The following NT5C2 variants were observed in gnomAD, a reference collection of about 807,000 sequenced individuals.
The protein encoded by NT5C2 is cytosolic purine 5'-nucleotidase.
A neutral mutation model predicts 76.1 loss-of-function variants in NT5C2; 58 were observed. The ratio of observed to expected loss-of-function variants is 0.76; its 90% CI spans 0.62 to 0.95. The LOEUF is 0.95. Among genes scored for constraint, NT5C2 ranks in the 40% least tolerant of loss-of-function variants. NT5C2 has a pLI of 0.00. For synonymous variants in NT5C2, 229 were observed against 237.4 expected (o/e 0.96, Z 0.32); for missense variants, 478 against 690.3 (o/e 0.69, Z 3.45).
At chr10:103,183,262 G>GTGATATATATATATAT (rs769522226) in intron 1 of NT5C2, among the ~76,000 whole-genome samples, 16 of 73,370 alleles carry the variant, frequency 2.2e-4, no homozygotes, top group Admixed American at 4.9e-4. Flanking sequence ...GTGTGTGTGT[G>GTGATATATATATATAT]ATATATATAT....
At chr10:103,155,263 C>T (rs2083133588) in intron 3 of NT5C2, among the ~76,000 whole-genome samples, 1 of 152,136 alleles carries the variant, frequency 6.6e-6, no homozygotes, top group Non-Finnish European at 1.5e-5. Context: ...CATATAGATC[C>T]TCTTGGCTGA....
chr10:103,122,745 C>A (rs2075913145), intron 4 of NT5C2, among the ~76,000 whole-genome samples: 1 of 152,164 alleles, frequency 6.6e-6, no homozygotes, highest in Admixed American at 6.5e-5. Context: ...CCTTATACCA[C>A]GAGGAAAGGA....
At chr10:103,091,221 A>AGAT (rs2066755813) in intron 16 of NT5C2, among the ~76,000 whole-genome samples, 1 of 151,894 alleles carries the variant, frequency 6.6e-6, no homozygotes, top group Admixed American at 6.6e-5. Context: ...TTTCTGGTAG[A>AGAT]GATGGGGTTT....
intron 1 of NT5C2, among the ~76,000 whole-genome samples, chr10:103,184,114 G>A (rs892113899): frequency 2.6e-5 from 4 of 151,832 alleles, no homozygotes; most frequent in East Asian, 1.9e-4. Flanking sequence ...CACCACGCCC[G>A]GCTAATTTTG....
At chr10:103,110,569 C>A (rs1171042588) in intron 4 of NT5C2, among the ~76,000 whole-genome samples, 2 of 152,184 alleles carry the variant, frequency 1.3e-5, no homozygotes, top group African/African-American at 4.8e-5. Context: ...TTGAAACATA[C>A]ACTTCTCCCT....
At chr10:103,117,062 A>G (rs1367759703) in intron 4 of NT5C2, among the ~76,000 whole-genome samples, 1 of 152,188 alleles carries the variant, frequency 6.6e-6, no homozygotes, top group Admixed American at 6.5e-5. Flanking sequence ...GTAACCACTG[A>G]GAAAAATTTT....
chr10:103,106,959 T>G (rs1225850122), intron 4 of NT5C2, among the ~76,000 whole-genome samples: 2 of 152,218 alleles, frequency 1.3e-5, no homozygotes, highest in Admixed American at 1.3e-4. Flanking sequence ...TTCAGTATAG[T>G]TCCTTCATTC....
chr10:103,113,093 A>T (rs1248770499), intron 4 of NT5C2, among the ~76,000 whole-genome samples: 1 of 152,200 alleles, frequency 6.6e-6, no homozygotes, highest in African/African-American at 2.4e-5. Flanking sequence ...ATTTCCTAAA[A>T]TGGCCTCAAT....
chr10:103,150,304 C>T (rs1011586686), intron 3 of NT5C2, among the ~76,000 whole-genome samples: 10 of 152,186 alleles, frequency 6.6e-5, no homozygotes, highest in Non-Finnish European at 1.5e-4. Context: ...ATTACTTTGT[C>T]ATGTGTCTGG....
At position 103,150,626 on chromosome 10, in the gene NT5C2, A is replaced by G. The variant is rs550589947; in HGVS notation, c.102-11147T>C. Among the ~76,000 whole-genome samples the G allele has an allele frequency of 2.4e-3, 373 of 152,332 alleles. 2 individuals carry two copies. The highest frequency in any genetic ancestry group is 8.4e-3 in the African/African-American group (350 of 41,578). Reference sequence around the variant, plus strand: ...TTTTCTCTTTTGCACTCTTATCAGCAATGCATGAGAGTTACCATTGCTCCA... The same window carrying G: ...TTTTCTCTTTTGCACTCTTATCAGCGATGCATGAGAGTTACCATTGCTCCA... On this transcript the variant is annotated intron_variant, in intron 3 of 18. Transcript: ENST00000404739.
chr10:103,099,398 A>G (rs2068994216), intron 9 of NT5C2, among the ~76,000 whole-genome samples: 1 of 152,240 alleles, frequency 6.6e-6, no homozygotes, highest in Non-Finnish European at 1.5e-5. Flanking sequence ...TTAAGGATTT[A>G]CCAAAATGGA....
intron 2 of NT5C2, among the ~76,000 whole-genome samples, chr10:103,178,966 T>TTTTTTTTTGG (rs2090582885): frequency 6.7e-6 from 1 of 149,790 alleles, no homozygotes; most frequent in East Asian, 1.9e-4. Flanking sequence ...TTTTTTTTTT[T>TTTTTTTTTGG]GAGATAGAGT....
At chr10:103,130,595 AAAG>A (rs1431112984) in intron 4 of NT5C2, among the ~76,000 whole-genome samples, 7 of 150,402 alleles carry the variant, frequency 4.7e-5, no homozygotes, top group South Asian at 2.1e-4. Flanking sequence ...AAAAAAAAAA[AAAG>A]AAAAATTAGA....
chr10:103,169,883 T>C (rs1444551473), intron 3 of NT5C2, among the ~76,000 whole-genome samples: 3 of 152,050 alleles, frequency 2.0e-5, no homozygotes, highest in Non-Finnish European at 4.4e-5. Context: ...TCCCAGAACT[T>C]TGGGAGGCTG....
At chr10:103,118,041 T>C (rs1224645184) in intron 4 of NT5C2, among the ~76,000 whole-genome samples, 1 of 152,234 alleles carries the variant, frequency 6.6e-6, no homozygotes, top group Non-Finnish European at 1.5e-5. Context: ...AAGGTGACTA[T>C]ATGAAGGATA....
chr10:103,162,792 C>A (rs900560980), intron 3 of NT5C2, among the ~76,000 whole-genome samples: 2 of 151,984 alleles, frequency 1.3e-5, no homozygotes, highest in Non-Finnish European at 2.9e-5. Context: ...CTAAAAATTA[C>A]TATTATTTTA....
At chr10:103,183,274 T>TG (rs1444385248) in intron 1 of NT5C2, among the ~76,000 whole-genome samples, 12 of 115,786 alleles carry the variant, frequency 1.0e-4, no homozygotes, top group Admixed American at 4.5e-4. Flanking sequence ...TATATATATA[T>TG]ATATATATAT....
In NT5C2 at chr10:103,102,186, C is replaced by G. The variant is rs548158133; in HGVS notation, c.390-860G>C. Among the ~76,000 whole-genome samples the G allele has an allele frequency of 2.0e-4, 31 of 152,238 alleles. No homozygotes were observed. In the South Asian group the frequency reaches 5.8e-3, roughly 29 times the overall value. The stretch of plus-strand genomic sequence containing the variant: ...TTTTGTGGCTCCTCCCATTAGAACT[C>G]AGTCTATTTCTCTATCCTTGAATAT... On this transcript the variant is annotated intron_variant, in intron 6 of 18. Transcript: ENST00000404739.
At chr10:103,178,833 CAAAA>C (rs551425186) in intron 2 of NT5C2, among the ~76,000 whole-genome samples, 1 of 96,836 alleles carries the variant, frequency 1.0e-5, no homozygotes. Flanking sequence ...AAGACTGTCT[CAAAA>C]AAAAAAAAAA....
Sources: allele counts gnomAD v4.1 joint callset (sites outside exome capture counted in the v4.1 genomes callset), GRCh38; gene constraint gnomAD v4.1.1; transcripts MANE v1.5; gene names NCBI Gene and HGNC (gene_info 2026-07-23, HGNC 2026-07-21).